Variants in NET1 observed in about 807,000 individuals in gnomAD.
The protein encoded by NET1 is neuroepithelial cell-transforming gene 1 protein.
A neutral mutation model predicts 61.1 loss-of-function variants in NET1; 42 were observed. The ratio of observed to expected loss-of-function variants is 0.69; its 90% CI spans 0.54 to 0.89. NET1 has a LOEUF of 0.89. Among genes scored for constraint, NET1 ranks in the 40% least tolerant of loss-of-function variants. NET1 has a pLI of 0.00. For missense variants in NET1, 654 were observed against 747.3 expected (o/e 0.88, Z 1.46); for synonymous variants, 254 against 281.8 (o/e 0.90, Z 0.99).
Position 5,437,991 on chromosome 10 carries a change from T to C in NET1, c.255+8762T>C, listed in dbSNP as rs1832465516. On this transcript the variant is annotated intron_variant, in intron 3 of 11. Coordinates refer to ENST00000355029, the MANE Select transcript of NET1 (RefSeq NM_001047160.3). The surrounding 1 kb of genome is among the most constrained non-coding windows in gnomAD (Gnocchi z 4.3). ...AAGTATGTGGAAATTAAACAACACA[T>C]TATTAAACAATCAATGAGTCAAAAC... Among the ~76,000 whole-genome samples, 1 of 151,656 alleles carries C rather than the reference T, an allele frequency of 6.6e-6. No homozygotes were observed. The highest frequency in any genetic ancestry group is 1.5e-5 in the Non-Finnish European group (1 of 67,986).
chr10:5,432,220 T>C (rs995220792), intron 3 of NET1, among the ~76,000 whole-genome samples: 3 of 152,194 alleles, frequency 2.0e-5, no homozygotes, highest in African/African-American at 7.2e-5. Flanking sequence ...GAGATAAATA[T>C]AATTTTAGAA....
At position 5,454,272 on chromosome 10, in the gene NET1, G is replaced by T; in HGVS notation, c.776G>T (p.Arg259Leu). The T allele has an allele frequency of 3.1e-6, 5 of 1,611,456 alleles. No individual in the cohort carries two copies. The highest frequency in any genetic ancestry group is 1.7e-5 in the Admixed American group (1 of 59,312). Residue 259 changes from arginine (R) to leucine (L), a missense_variant, in exon 9 of 12, where the codon CGC (arginine) becomes CTC (leucine). Physicochemically the swap from Arg to Leu is moderately radical, Grantham distance 102 (BLOSUM62 -2). Transcript: ENST00000355029. The surrounding 1 kb of genome is among the most constrained non-coding windows in gnomAD (Gnocchi z 8.1). ...IGHILVSWLP[R>L]LNAYRGYCSN... ...TCTTTTATTACTCTTCAGTTACCGCGCTTGAATGCCTACAGAGGTTACTGT... is the reference window on the plus strand; with the variant it reads ...TCTTTTATTACTCTTCAGTTACCGCTCTTGAATGCCTACAGAGGTTACTGT...
rs201313004 is a variant in NET1, at chr10:5,453,567, A to G, written c.768+7A>G. 5 of 1,613,372 alleles carry G rather than the reference A, an allele frequency of 3.1e-6. No individual in the cohort carries two copies. The highest frequency in any genetic ancestry group is 4.2e-6 in the Non-Finnish European group (5 of 1,179,308). On this transcript the variant is annotated splice_region_variant and intron_variant, in intron 8 of 11. Coordinates refer to ENST00000355029, the MANE Select transcript of NET1 (RefSeq NM_001047160.3). This position sits in a 1 kb window ranked among gnomAD's most constrained non-coding sequence, Gnocchi z 4.9. ...TCACATTCTCGTGAGCTGGGTATGT[A>G]GTGAGTTGTTGACCCCAGATACAGT...
At chr10:5,438,652 C>T (rs1832475567) in intron 3 of NET1, among the ~76,000 whole-genome samples, 3 of 152,134 alleles carry the variant, frequency 2.0e-5, no homozygotes, top group Admixed American at 2.0e-4. Flanking sequence ...TAAATTCTAC[C>T]AAACATTTAG....
rs1336909692 is a variant in NET1, at chr10:5,435,514, TAGATAGATAGATAGATAGAC to T, written c.255+6289_255+6308del. 0.055 allele frequency among the ~76,000 whole-genome samples: 1,954 copies of T among 35,252 alleles called. 31 individuals are homozygous for T. Among genetic ancestry groups the T allele is most frequent in the South Asian group, 0.14 (143 of 1,018 alleles). The allele number at this position is 35,252 out of a possible 152,430, so 23.1% of individuals were successfully genotyped here. A position where few individuals can be genotyped will look rare whatever the true frequency, so the allele number is the denominator to read the frequency against. ...ATAGATAGATAGATAGATAGATAGA[TAGATAGATAGATAGATAGAC>T]AGACAGACAGATAGATAGATAGATA... On this transcript the variant is annotated intron_variant, in intron 3 of 11. Transcript: ENST00000355029. This position sits in a 1 kb window ranked among gnomAD's most constrained non-coding sequence, Gnocchi z 5.0.
In NET1 at chr10:5,431,346, G is replaced by A. The variant is rs1051628428; in HGVS notation, c.255+2117G>A. Reference sequence around the variant, plus strand: ...CATTGACTATGTTCCTCTATTCCCTGTATTTCTGACAAGTTGGTAATTAGA... The same window carrying A: ...CATTGACTATGTTCCTCTATTCCCTATATTTCTGACAAGTTGGTAATTAGA... On this transcript the variant is annotated intron_variant, in intron 3 of 11. Coordinates refer to ENST00000355029, the MANE Select transcript of NET1 (RefSeq NM_001047160.3). This position sits in a 1 kb window ranked among gnomAD's most constrained non-coding sequence, Gnocchi z 4.9. Among the ~76,000 whole-genome samples the A allele has an allele frequency of 9.2e-5, 14 of 152,166 alleles. No individual in the cohort carries two copies. Among genetic ancestry groups the A allele is most frequent in the Non-Finnish European group, 1.8e-4 (12 of 68,030 alleles).
In NET1 at chr10:5,443,722, A is replaced by G. The variant is rs1211642461; in HGVS notation, c.256-8108A>G. ...AACATGGCTGTCATCAGTATACCCTATTTGTTTTCTATTTCTGTATTTACA... is the reference window on the plus strand; with the variant it reads ...AACATGGCTGTCATCAGTATACCCTGTTTGTTTTCTATTTCTGTATTTACA... On this transcript the variant is annotated intron_variant, in intron 3 of 11. Transcript: ENST00000355029. This position sits in a 1 kb window ranked among gnomAD's most constrained non-coding sequence, Gnocchi z 4.8. Among the ~76,000 whole-genome samples, 1 of 152,078 alleles carries G rather than the reference A, an allele frequency of 6.6e-6. No individual in the cohort carries two copies. The highest frequency in any genetic ancestry group is 2.4e-5 in the African/African-American group (1 of 41,390).
chr10:5,432,754 A>C (rs72779845), intron 3 of NET1, among the ~76,000 whole-genome samples: 37,334 of 151,350 alleles, frequency 0.25, 4,889 homozygotes, highest in Non-Finnish European at 0.29. Context: ...TTCCACTTTT[A>C]AAATATATAA....
rs367648171 is a variant in NET1, at chr10:5,442,679, G to A, written c.256-9151G>A. On this transcript the variant is annotated intron_variant, in intron 3 of 11. Coordinates refer to ENST00000355029, the MANE Select transcript of NET1 (RefSeq NM_001047160.3). ...GGAGGCCAAGGCAGGCAGATCACTT[G>A]AGACCAGGAATTCGAGACCAGCCTG... 3.3e-5 allele frequency among the ~76,000 whole-genome samples: 5 copies of A among 152,216 alleles called. No homozygotes were observed. In the South Asian group the frequency reaches 6.2e-4, roughly 19 times the overall value.
rs1832018370 is a variant in NET1 at position 5,412,821 on chromosome 10, G to T, written c.128+1G>T. ...CCTCCGGGTCGGAGCTGGACGGGAGGTGAGTGTGGGGGAGGGGAGGGCCGA... is the reference window on the plus strand; with the variant it reads ...CCTCCGGGTCGGAGCTGGACGGGAGTTGAGTGTGGGGGAGGGGAGGGCCGA... On this transcript the variant is annotated splice_donor_variant, in intron 1 of 11. Transcript: ENST00000355029. LOFTEE classifies it high-confidence loss of function. The surrounding 1 kb of genome is among the most constrained non-coding windows in gnomAD (Gnocchi z 6.5). 4.9e-6 allele frequency: 7 copies of T among 1,419,524 alleles called. No individual in the cohort carries two copies. The highest frequency in any genetic ancestry group is 5.5e-6 in the Non-Finnish European group (6 of 1,090,892). 87.9% of individuals were successfully genotyped at this position (1,419,524 alleles called of 1,614,324 possible). A position where few individuals can be genotyped will look rare whatever the true frequency, so the allele number is the denominator to read the frequency against.
chr10:5,436,248 ATT>A lies in NET1; in HGVS notation c.255+7045_255+7046del, dbSNP rs1190534260. Among the ~76,000 whole-genome samples the A allele has an allele frequency of 2.4e-3, 44 of 18,386 alleles. 1 individual carries two copies. Among genetic ancestry groups the A allele is most frequent in the African/African-American group, 6.8e-3 (31 of 4,548 alleles). 12.1% of individuals were successfully genotyped at this position (18,386 alleles called of 152,430 possible). A position where few individuals can be genotyped will look rare whatever the true frequency, so the allele number is the denominator to read the frequency against. On this transcript the variant is annotated intron_variant, in intron 3 of 11. Coordinates refer to ENST00000355029, the MANE Select transcript of NET1 (RefSeq NM_001047160.3). Reference sequence around the variant, plus strand: ...TGCATATATATATATATATATATATATTTTTTTTTTTTTTTTTTTTTTTTTTT... The same window carrying A: ...TGCATATATATATATATATATATATATTTTTTTTTTTTTTTTTTTTTTTTT...
chr10:5,427,301 C>T lies in NET1; in HGVS notation c.195+580C>T, dbSNP rs1450621158. On this transcript the variant is annotated intron_variant, in intron 2 of 11. Transcript: ENST00000355029. This position sits in a 1 kb window ranked among gnomAD's most constrained non-coding sequence, Gnocchi z 4.1. ...GTACAAATAGATCATGATTCTTATG[C>T]TTATCTAGGAAAAATAGCAAAAGTG... Among the ~76,000 whole-genome samples, 7 of 152,144 alleles carry T rather than the reference C, an allele frequency of 4.6e-5. 1 individual carries two copies. The East Asian group carries it at 1.4e-3, about 29-fold the overall frequency.
chr10:5,436,873 C>T (rs1262761847), intron 3 of NET1, among the ~76,000 whole-genome samples: 1 of 152,146 alleles, frequency 6.6e-6, no homozygotes, highest in Non-Finnish European at 1.5e-5. Flanking sequence ...CTACTGGTTG[C>T]CTTATAAGAT....
rs1184164660 is a variant in NET1, at chr10:5,426,661, C to T, written c.135C>T (p.Ser45=). The T allele has an allele frequency of 6.2e-7, 1 of 1,605,630 alleles. No homozygotes were observed. ...TTGAATTTTCCATTAATAGATGTTC[C>T]CTTCGGAGAGGCAGCTCCTTCACAT... The part of the protein sequence containing the change: ...TSGSELDGRC[S]LRRGSSFTFL... Residue 45 remains serine, a synonymous_variant, in exon 2 of 12, where the codon TCC becomes TCT. Transcript: ENST00000355029. This position sits in a 1 kb window ranked among gnomAD's most constrained non-coding sequence, Gnocchi z 4.6.
intron 3 of NET1, among the ~76,000 whole-genome samples, chr10:5,432,076 T>C (rs895486542): frequency 2.0e-5 from 3 of 152,204 alleles, no homozygotes; most frequent in Non-Finnish European, 2.9e-5. Flanking sequence ...TTTTGCTCTA[T>C]GCCTGGAATC....
rs1167143042 is a variant in NET1, at chr10:5,420,363, TATA to T, written c.129-6288_129-6286del. ...TATGATATTCTGTACAGTGAGATAT[TATA>T]ATATACAATTTTTATAACTCAGGTG... On this transcript the variant is annotated intron_variant, in intron 1 of 11. Coordinates refer to ENST00000355029, the MANE Select transcript of NET1 (RefSeq NM_001047160.3). The surrounding 1 kb of genome is among the most constrained non-coding windows in gnomAD (Gnocchi z 5.3). 6.9e-6 allele frequency among the ~76,000 whole-genome samples: 1 copy of T among 145,208 alleles called. No individual in the cohort carries two copies. The highest frequency in any genetic ancestry group is 1.6e-5 in the Non-Finnish European group (1 of 64,112).
In NET1 at chr10:5,451,318, T is replaced by C. The variant is rs1733787260; in HGVS notation, c.256-512T>C. ...ACATGTTGATTGAAAGGTTGTATTTTCTAACGGAAGTAGTTAAGAATGAAA... is the reference window on the plus strand; with the variant it reads ...ACATGTTGATTGAAAGGTTGTATTTCCTAACGGAAGTAGTTAAGAATGAAA... On this transcript the variant is annotated intron_variant, in intron 3 of 11. Transcript: ENST00000355029. This position sits in a 1 kb window ranked among gnomAD's most constrained non-coding sequence, Gnocchi z 6.1. Among the ~76,000 whole-genome samples, 1 of 152,166 alleles carries C rather than the reference T, an allele frequency of 6.6e-6. No homozygotes were observed. Among genetic ancestry groups the C allele is most frequent in the African/African-American group, 2.4e-5 (1 of 41,440 alleles).
rs1588439862 is a variant in NET1, at chr10:5,452,488, A to C, written c.494A>C (p.Lys165Thr). 3 of 1,614,016 alleles carry C rather than the reference A, an allele frequency of 1.9e-6. No individual in the cohort carries two copies. Among genetic ancestry groups the C allele is most frequent in the Admixed American group, 1.7e-5 (1 of 60,004 alleles). Residue 165 changes from lysine (K) to threonine (T), a missense_variant, in exon 5 of 12, where the codon AAG (lysine) becomes ACG (threonine). Coordinates refer to ENST00000355029, the MANE Select transcript of NET1 (RefSeq NM_001047160.3). The surrounding 1 kb of genome is among the most constrained non-coding windows in gnomAD (Gnocchi z 4.0). ...TCAGAGATGCTGGACATCACCATGAAGGAGTCTCTCACCACCAGGGAGATC... is the reference window on the plus strand; with the variant it reads ...TCAGAGATGCTGGACATCACCATGACGGAGTCTCTCACCACCAGGGAGATC... ...LWSEMLDITM[K>T]ESLTTREIRR...
In NET1 at chr10:5,456,580, T is replaced by C; in HGVS notation, c.1385-8T>C. The stretch of plus-strand genomic sequence containing the variant: ...GATTTCTTTTTTTTTTCCAATTTTT[T>C]TTTTCAGCTAAAAATATCTTTAGAA... On this transcript the variant is annotated splice_polypyrimidine_tract_variant and splice_region_variant and intron_variant, in intron 11 of 11. Coordinates refer to ENST00000355029, the MANE Select transcript of NET1 (RefSeq NM_001047160.3). The surrounding 1 kb of genome is among the most constrained non-coding windows in gnomAD (Gnocchi z 7.0). 4.6e-6 allele frequency: 7 copies of C among 1,519,518 alleles called. No homozygotes were observed. Among genetic ancestry groups the C allele is most frequent in the African/African-American group, 1.4e-5 (1 of 71,696 alleles). 94.1% of individuals were successfully genotyped at this position (1,519,518 alleles called of 1,614,324 possible).
Sources: gnomAD v4.1 joint callset for allele counts (sites outside exome capture counted in the v4.1 genomes callset) on GRCh38, gnomAD v4.1.1 for gene constraint, Gnocchi (gnomAD v3.1) non-coding constraint, MANE v1.5 for transcripts, NCBI Gene and HGNC (gene_info 2026-07-23, HGNC 2026-07-21) for gene names.